TRIR: variants seen among roughly 807,000 people sequenced by gnomAD.
The protein encoded by TRIR is telomerase RNA component-interacting RNase.
Under a neutral mutation model 18.2 loss-of-function variants are expected in TRIR, and 5 were observed. The observed-to-expected ratio is 0.27, with a 90% CI of 0.14 to 0.58. The LOEUF (loss-of-function observed/expected upper bound fraction) is 0.58. TRIR is among the 20% of genes least tolerant of loss of function. The pLI, the probability that TRIR is intolerant of heterozygous loss-of-function variation, is 0.91. For synonymous variants in TRIR, 134 were observed against 114.4 expected (o/e 1.17, Z -1.10); for missense variants, 206 against 252.8 (o/e 0.81, Z 1.25).
At chr19:12,733,276 T>C (rs536961192) in intron 1 of TRIR, among the ~76,000 whole-genome samples, 3 of 152,246 alleles carry the variant, frequency 2.0e-5, no homozygotes, top group African/African-American at 7.2e-5. Flanking sequence ...CAAAATCACA[T>C]GCTGGATCCA....
In TRIR at chr19:12,731,149, A is replaced by G; in HGVS notation, c.424-81T>C. 1.5e-6 allele frequency: 2 copies of G among 1,326,286 alleles called. No individual in the cohort carries two copies. The highest frequency in any genetic ancestry group is 2.2e-6 in the Non-Finnish European group (2 of 919,670). 82.2% of individuals were successfully genotyped at this position (1,326,286 alleles called of 1,614,324 possible). On this transcript the variant is annotated intron_variant, in intron 2 of 2. Transcript: ENST00000242784. This position sits in a 1 kb window ranked among gnomAD's most constrained non-coding sequence, Gnocchi z 5.1. ...GCCCTGAGACAGGTGACCCATTCCC[A>G]GTGTCACCCAGAAGACTCTGGGTTT... is the stretch of plus-strand genomic sequence containing the variant.
At position 12,731,657 on chromosome 19, in the gene TRIR, C is replaced by G. The variant is rs1445034255; in HGVS notation, c.346-236G>C. 3.6e-6 allele frequency: 2 copies of G among 550,992 alleles called. No homozygotes were observed. The highest frequency in any genetic ancestry group is 3.2e-6 in the Non-Finnish European group (1 of 311,396). The allele number at this position is 550,992 out of a possible 1,614,324, so 34.1% of individuals were successfully genotyped here. On this transcript the variant is annotated intron_variant, in intron 1 of 2. Coordinates refer to ENST00000242784, the MANE Select transcript of TRIR (RefSeq NM_024038.4). This position sits in a 1 kb window ranked among gnomAD's most constrained non-coding sequence, Gnocchi z 5.1. Reference sequence around the variant, plus strand: ...GAAGAGTGTCCACCTCAGTAGGGACCAGCTCTGTTCTCACTTTCCACGCCA... The same window carrying G: ...GAAGAGTGTCCACCTCAGTAGGGACGAGCTCTGTTCTCACTTTCCACGCCA...
rs566813591 is a variant in TRIR at position 12,730,748 on chromosome 19, G to C, written c.*213C>G. The C allele has an allele frequency of 3.4e-5, 20 of 594,792 alleles. No homozygotes were observed. Among genetic ancestry groups the C allele is most frequent in the East Asian group, 8.5e-5 (3 of 35,498 alleles). The allele number at this position is 594,792 out of a possible 1,614,324, so 36.8% of individuals were successfully genotyped here. A position where few individuals can be genotyped will look rare whatever the true frequency, so the allele number is the denominator to read the frequency against. On this transcript the variant is annotated 3_prime_UTR_variant, in exon 3 of 3. Transcript: ENST00000242784. Reference sequence around the variant, plus strand: ...CCAGAGAGAATGAGGAGGTGAGAAGGGGGGGACAGTAAACCACTGTTCTAT... The same window carrying C: ...CCAGAGAGAATGAGGAGGTGAGAAGCGGGGGACAGTAAACCACTGTTCTAT...
chr19:12,731,565 G>C lies in TRIR; in HGVS notation c.346-144C>G, dbSNP rs772243588. 5.9e-6 allele frequency: 5 copies of C among 843,002 alleles called. No individual in the cohort carries two copies. In the African/African-American group the frequency reaches 8.5e-5, roughly 14 times the overall value. The allele number at this position is 843,002 out of a possible 1,614,324, so 52.2% of individuals were successfully genotyped here. Reference sequence around the variant, plus strand: ...CTCCGCCAGCCGGCCGACCTGCGCAGCAATCAGAGAGGAGCACACGCGACT... The same window carrying C: ...CTCCGCCAGCCGGCCGACCTGCGCACCAATCAGAGAGGAGCACACGCGACT... On this transcript the variant is annotated intron_variant, in intron 1 of 2. Coordinates refer to ENST00000242784, the MANE Select transcript of TRIR (RefSeq NM_024038.4). The surrounding 1 kb of genome is among the most constrained non-coding windows in gnomAD (Gnocchi z 5.1).
chr19:12,730,808 A>G lies in TRIR; in HGVS notation c.*153T>C. The G allele has an allele frequency of 2.9e-6, 2 of 679,616 alleles. No homozygotes were observed. Among genetic ancestry groups the G allele is most frequent in the Non-Finnish European group, 2.5e-6 (1 of 394,676 alleles). The allele number at this position is 679,616 out of a possible 1,614,324, so 42.1% of individuals were successfully genotyped here. On this transcript the variant is annotated 3_prime_UTR_variant, in exon 3 of 3. Transcript: ENST00000242784. ...CGAGGCAAGTGCTCAAGGTAAAAAA[A>G]GAGTCCTGGAGAATCGTCCACGGCT...
At chr19:12,733,905 G>A (rs1967480781) in intron 1 of TRIR, among the ~76,000 whole-genome samples, 3 of 152,210 alleles carry the variant, frequency 2.0e-5, no homozygotes, top group Admixed American at 1.3e-4. Flanking sequence ...AATTGTCCTA[G>A]ATAAGTAATT....
At position 12,731,377 on chromosome 19, in the gene TRIR, T is replaced by G. The variant is rs1187728455; in HGVS notation, c.390A>C (p.Gly130=). The G allele has an allele frequency of 6.2e-7, 1 of 1,613,928 alleles. No individual in the cohort carries two copies. Among genetic ancestry groups the G allele is most frequent in the South Asian group, 1.1e-5 (1 of 91,088 alleles). Residue 130 remains glycine, a synonymous_variant, in exon 2 of 3, where the codon GGA becomes GGC. Coordinates refer to ENST00000242784, the MANE Select transcript of TRIR (RefSeq NM_024038.4). This position sits in a 1 kb window ranked among gnomAD's most constrained non-coding sequence, Gnocchi z 5.1. ...CCGTCTTCTGCTTCTTGGCTACTAT[T>G]CCCGTCTTGAGGGCTAGTTTGTTCC... ...RGGNKLALKT[G]IVAKKQKTED...
intron 1 of TRIR, among the ~76,000 whole-genome samples, chr19:12,733,648 G>T (rs1967474876): frequency 6.6e-6 from 1 of 152,104 alleles, no homozygotes; most frequent in Admixed American, 6.6e-5. Context: ...GCCCTTCCTG[G>T]AAGACAGGCT....
Position 12,730,739 on chromosome 19 carries a change from G to A in TRIR, c.*222C>T, listed in dbSNP as rs1967410726. The A allele has an allele frequency of 3.4e-6, 2 of 588,422 alleles. No homozygotes were observed. The highest frequency in any genetic ancestry group is 2.8e-5 in the East Asian group (1 of 35,126). 36.5% of individuals were successfully genotyped at this position (588,422 alleles called of 1,614,324 possible). ...CAGAAAGAGCCAGAGAGAATGAGGA[G>A]GTGAGAAGGGGGGGACAGTAAACCA... is the stretch of plus-strand genomic sequence containing the variant. On this transcript the variant is annotated 3_prime_UTR_variant, in exon 3 of 3. Transcript: ENST00000242784.
At chr19:12,733,858 A>AT (rs1209851355) in intron 1 of TRIR, among the ~76,000 whole-genome samples, 1 of 152,184 alleles carries the variant, frequency 6.6e-6, no homozygotes, top group African/African-American at 2.4e-5. Context: ...TGCTCAATAA[A>AT]TGGAGGTTGG....
rs536224439 is a variant in TRIR, at chr19:12,731,555, G to A, written c.346-134C>T. 2.8e-5 allele frequency: 25 copies of A among 902,238 alleles called. No homozygotes were observed. Among genetic ancestry groups the A allele is most frequent in the East Asian group, 5.2e-5 (2 of 38,776 alleles). The allele number at this position is 902,238 out of a possible 1,614,324, so 55.9% of individuals were successfully genotyped here. ...CCGCGCCCAGCTCCGCCAGCCGGCC[G>A]ACCTGCGCAGCAATCAGAGAGGAGC... On this transcript the variant is annotated intron_variant, in intron 1 of 2. Coordinates refer to ENST00000242784, the MANE Select transcript of TRIR (RefSeq NM_024038.4). This position sits in a 1 kb window ranked among gnomAD's most constrained non-coding sequence, Gnocchi z 5.1.
chr19:12,734,256 C>G lies in TRIR; in HGVS notation c.345+57G>C. ...GGTCCCGATCCCCCTTCACGGGCCC[C>G]GACTCCCGCTGCCAAGACAGGCCGT... On this transcript the variant is annotated intron_variant, in intron 1 of 2. Transcript: ENST00000242784. This position sits in a 1 kb window ranked among gnomAD's most constrained non-coding sequence, Gnocchi z 4.1. 2.9e-6 allele frequency: 4 copies of G among 1,366,680 alleles called. 1 individual carries two copies. The highest frequency in any genetic ancestry group is 3.3e-5 in the South Asian group (2 of 61,214). The allele number at this position is 1,366,680 out of a possible 1,614,324, so 84.7% of individuals were successfully genotyped here. A position where few individuals can be genotyped will look rare whatever the true frequency, so the allele number is the denominator to read the frequency against.
chr19:12,730,979 A>G lies in TRIR; in HGVS notation c.513T>C (p.Thr171=), dbSNP rs1303182541. The G allele has an allele frequency of 6.2e-7, 1 of 1,613,962 alleles. No homozygotes were observed. The highest frequency in any genetic ancestry group is 8.5e-7 in the Non-Finnish European group (1 of 1,179,994). The change falls in exon 3 of 3, where the codon ACT becomes ACC. Residue 171 remains threonine (T), a synonymous_variant. Coordinates refer to ENST00000242784, the MANE Select transcript of TRIR (RefSeq NM_024038.4). ...KAHQCGDDDK[T]RPLVK ...AGGGGCGTCATTTCACCAGGGGCCG[A>G]GTTTTATCATCGTCACCGCACTGGT...
chr19:12,730,772 A>T lies in TRIR; in HGVS notation c.*189T>A. On this transcript the variant is annotated 3_prime_UTR_variant, in exon 3 of 3. Coordinates refer to ENST00000242784, the MANE Select transcript of TRIR (RefSeq NM_024038.4). ...GGGGGGGACAGTAAACCACTGTTCT[A>T]TGAAGTCTCACGAGGCAAGTGCTCA... 2 of 612,350 alleles carry T rather than the reference A, an allele frequency of 3.3e-6. No homozygotes were observed. The highest frequency in any genetic ancestry group is 5.5e-5 in the East Asian group (2 of 36,250). 37.9% of individuals were successfully genotyped at this position (612,350 alleles called of 1,614,324 possible).
rs1165743599 is a variant in TRIR at position 12,734,594 on chromosome 19, C to A, written c.64G>T (p.Gly22Cys). 6.6e-7 allele frequency: 1 copy of A among 1,521,214 alleles called. No individual in the cohort carries two copies. The highest frequency in any genetic ancestry group is 2.6e-5 in the East Asian group (1 of 38,262). 94.2% of individuals were successfully genotyped at this position (1,521,214 alleles called of 1,614,324 possible). Reference sequence around the variant, plus strand: ...TCAGCCCAACGGCTCCCGCCACCGCCACCGCCCGCGGGGCCCGGAGCCTCC... The same window carrying A: ...TCAGCCCAACGGCTCCCGCCACCGCAACCGCCCGCGGGGCCCGGAGCCTCC... ...GREAPGPAGG[G>C]GGGSRWAESG... is the part of the protein sequence containing the mutation. Residue 22 changes from glycine (G) to cysteine (C), a missense_variant, in exon 1 of 3, where the codon GGC becomes TGC. Physicochemically the swap from Gly to Cys is radical, Grantham distance 159 (BLOSUM62 -3). Around this residue, in one of 2 missense-constraint regions of TRIR, gnomAD observed 172 missense variants for 165.0 expected, o/e 1.04. Coordinates refer to ENST00000242784, the MANE Select transcript of TRIR (RefSeq NM_024038.4). This position sits in a 1 kb window ranked among gnomAD's most constrained non-coding sequence, Gnocchi z 4.1.
chr19:12,733,080 AT>A (rs888819154), intron 1 of TRIR, among the ~76,000 whole-genome samples: 9 of 150,268 alleles, frequency 6.0e-5, no homozygotes, highest in African/African-American at 2.2e-4. Flanking sequence ...TAATTTTTTA[AT>A]TTTTTTTTGT....
chr19:12,734,404 G>A lies in TRIR; in HGVS notation c.254C>T (p.Pro85Leu). ...CTGGTCGGGTCGCTGCGGACCCGGG[G>A]GCGGCTCCTCCTGCCGCTGCCGCTG... ...EEQRQRQEEP[P>L]PGPQRPDQSA... is the part of the protein sequence containing the mutation. The change falls in exon 1 of 3, where the codon CCC becomes CTC. Residue 85 changes from proline to leucine, a missense_variant. By Grantham distance (98) the Pro-to-Leu change is moderately conservative. Transcript: ENST00000242784. This position sits in a 1 kb window ranked among gnomAD's most constrained non-coding sequence, Gnocchi z 4.1. 8 of 1,517,432 alleles carry A rather than the reference G, an allele frequency of 5.3e-6. No homozygotes were observed. The highest frequency in any genetic ancestry group is 6.2e-6 in the Non-Finnish European group (7 of 1,133,904). 94.0% of individuals were successfully genotyped at this position (1,517,432 alleles called of 1,614,324 possible). A position where few individuals can be genotyped will look rare whatever the true frequency, so the allele number is the denominator to read the frequency against.
rs1009571636 is a variant in TRIR at position 12,730,749 on chromosome 19, G to A, written c.*212C>T. On this transcript the variant is annotated 3_prime_UTR_variant, in exon 3 of 3. Coordinates refer to ENST00000242784, the MANE Select transcript of TRIR (RefSeq NM_024038.4). Reference sequence around the variant, plus strand: ...CAGAGAGAATGAGGAGGTGAGAAGGGGGGGACAGTAAACCACTGTTCTATG... The same window carrying A: ...CAGAGAGAATGAGGAGGTGAGAAGGAGGGGACAGTAAACCACTGTTCTATG... The A allele has an allele frequency of 3.4e-6, 2 of 595,180 alleles. No individual in the cohort carries two copies. The highest frequency in any genetic ancestry group is 3.7e-5 in the African/African-American group (2 of 53,650). 36.9% of individuals were successfully genotyped at this position (595,180 alleles called of 1,614,324 possible).
rs1226259462 is a variant in TRIR at position 12,734,244 on chromosome 19, C to T, written c.345+69G>A. The T allele has an allele frequency of 2.2e-6, 3 of 1,344,622 alleles. No individual in the cohort carries two copies. Among genetic ancestry groups the T allele is most frequent in the African/African-American group, 1.6e-5 (1 of 64,438 alleles). The allele number at this position is 1,344,622 out of a possible 1,614,324, so 83.3% of individuals were successfully genotyped here. A position where few individuals can be genotyped will look rare whatever the true frequency, so the allele number is the denominator to read the frequency against. The stretch of plus-strand genomic sequence containing the variant: ...AAAGTGGACTTCGGTCCCGATCCCC[C>T]TTCACGGGCCCCGACTCCCGCTGCC... On this transcript the variant is annotated intron_variant, in intron 1 of 2. Transcript: ENST00000242784. This position sits in a 1 kb window ranked among gnomAD's most constrained non-coding sequence, Gnocchi z 4.1.
Sources: allele counts gnomAD v4.1 joint callset (sites outside exome capture counted in the v4.1 genomes callset), GRCh38; gene constraint gnomAD v4.1.1; regional missense constraint gnomAD v4.1.1; non-coding constraint Gnocchi (gnomAD v3.1); transcripts MANE v1.5; gene names NCBI Gene and HGNC (gene_info 2026-07-23, HGNC 2026-07-21).